MTA3: variants seen among roughly 807,000 people sequenced by gnomAD.
The protein encoded by MTA3 is metastasis associated 1 family member 3.
MTA3 carries 34 observed loss-of-function variants against 83.5 expected under a neutral mutation model. The ratio of observed to expected loss-of-function variants is 0.41; its 90% CI spans 0.31 to 0.54. MTA3 has a LOEUF of 0.54. Among genes scored for constraint, MTA3 ranks in the 20% least tolerant of loss-of-function variants. MTA3 has a pLI of 0.33. For missense variants in MTA3, 761 were observed against 726.4 expected, an observed-to-expected ratio of 1.05 and a Z score of -0.55; for synonymous variants, 303 against 252.7, an observed-to-expected ratio of 1.20 and a Z score of -1.89.
chr2:42,620,816 A>G (rs1365599137), intron 4 of MTA3, among the ~76,000 whole-genome samples: 1 of 152,214 alleles, frequency 6.6e-6, no homozygotes, highest in Non-Finnish European at 1.5e-5. Flanking sequence ...AAAACATGGG[A>G]TTGTTTGAAT....
chr2:42,510,846 T>C (rs1269515786), intron 2 of MTA3, among the ~76,000 whole-genome samples: 1 of 152,120 alleles, frequency 6.6e-6, no homozygotes, highest in East Asian at 1.9e-4. Flanking sequence ...TCACAGGACA[T>C]ATTCAAACAG....
At chr2:42,642,493 T>TA (rs746793477) in intron 5 of MTA3, among the ~76,000 whole-genome samples, 23 of 150,818 alleles carry the variant, frequency 1.5e-4, no homozygotes, top group South Asian at 1.5e-3. Flanking sequence ...TCGTCTCTAT[T>TA]AAAAAAAAAG....
chr2:42,695,641 A>AG, intron 9 of MTA3, 124 bp from the exon 10 acceptor site: 2 of 401,626 alleles, frequency 5.0e-6, no homozygotes, highest in Non-Finnish European at 8.3e-6. Flanking sequence ...TCTCAAAAAA[A>AG]AAAAAAAAAA....
chr2:42,715,581 C>A (rs926961521), intron 14 of MTA3, among the ~76,000 whole-genome samples: 13 of 152,110 alleles, frequency 8.5e-5, no homozygotes, highest in African/African-American at 2.7e-4. Context: ...AAATATGCTT[C>A]TTTCTAAAAA....
At chr2:42,704,462 T>C in intron 12 of MTA3, 144 bp downstream of exon 12, 1 of 915,360 alleles carries the variant, frequency 1.1e-6, no homozygotes, top group East Asian at 2.5e-5. Context: ...TGCCCCTCCT[T>C]ACCTTCTGCC....
At chr2:42,574,577 C>T (rs751286114) in intron 2 of MTA3, among the ~76,000 whole-genome samples, 1 of 152,150 alleles carries the variant, frequency 6.6e-6, no homozygotes, top group Non-Finnish European at 1.5e-5. Flanking sequence ...GCTGGGATTA[C>T]AGGCACCTGC....
upstream of MTA3, among the ~76,000 whole-genome samples, chr2:42,564,475 T>C (rs1677818357): frequency 6.6e-6 from 1 of 152,228 alleles, no homozygotes; most frequent in Non-Finnish European, 1.5e-5. Flanking sequence ...TCTTCTGCTT[T>C]GATTCTTGCC....
At chr2:42,537,334 C>T (rs1263619285) in intron 2 of MTA3, among the ~76,000 whole-genome samples, 6 of 152,054 alleles carry the variant, frequency 3.9e-5, no homozygotes, top group Non-Finnish European at 8.8e-5. Context: ...GAGGCCAAGG[C>T]GGGCAGATCA....
intron 16 of MTA3, among the ~76,000 whole-genome samples, chr2:42,733,272 A>C (rs1668367167): frequency 6.6e-6 from 1 of 152,198 alleles, no homozygotes; most frequent in African/African-American, 2.4e-5. Context: ...CACATCTTAC[A>C]TGGTGACAGC....
At chr2:42,705,718 A>C (rs528652589) in intron 12 of MTA3, among the ~76,000 whole-genome samples, 258 of 148,526 alleles carry the variant, frequency 1.7e-3, no homozygotes, top group Middle Eastern at 0.01. Context: ...CCCCGCCCCC[A>C]AAAAAAAAAT....
At chr2:42,647,943 A>G (rs1290313978) in intron 6 of MTA3, among the ~76,000 whole-genome samples, 1 of 151,818 alleles carries the variant, frequency 6.6e-6, no homozygotes, top group Non-Finnish European at 1.5e-5. Context: ...AGTTCAAGCA[A>G]TTTTCTCCTG....
intron 2 of MTA3, among the ~76,000 whole-genome samples, chr2:42,555,898 C>G (rs1299238591): frequency 6.6e-6 from 1 of 151,750 alleles, no homozygotes. Flanking sequence ...ATGGTGGAAC[C>G]CTGCCTCTAC....
At chr2:42,594,204 G>C (rs955088124) in intron 3 of MTA3, among the ~76,000 whole-genome samples, 1 of 148,826 alleles carries the variant, frequency 6.7e-6, no homozygotes, top group Non-Finnish European at 1.5e-5. Flanking sequence ...CACCTGCCTT[G>C]GCCTCCCAAA....
At chr2:42,603,478 G>A (rs892057403) in intron 3 of MTA3, among the ~76,000 whole-genome samples, 1 of 152,146 alleles carries the variant, frequency 6.6e-6, no homozygotes. Flanking sequence ...GCTTTTGCCC[G>A]ATGCAGTGTT....
At chr2:42,650,662 G>A (rs1558543385) in intron 6 of MTA3, among the ~76,000 whole-genome samples, 3 of 152,016 alleles carry the variant, frequency 2.0e-5, no homozygotes, top group Middle Eastern at 3.4e-3. Flanking sequence ...ATCTCCTGAC[G>A]TCGTGATCTG....
At chr2:42,659,711 C>G in intron 7 of MTA3, 52 bp from the exon 8 acceptor site, 6 of 1,335,934 alleles carry the variant, frequency 4.5e-6, no homozygotes, top group Non-Finnish European at 5.9e-6. Context: ...GTTAAAAAAA[C>G]AAACCAAAAC....
intron 3 of MTA3, among the ~76,000 whole-genome samples, chr2:42,584,081 G>T (rs1679989674): frequency 6.6e-6 from 1 of 151,448 alleles, no homozygotes; most frequent in Non-Finnish European, 1.5e-5. Flanking sequence ...TACCTCAGGT[G>T]ATACGCCCAC....
intron 3 of MTA3, among the ~76,000 whole-genome samples, chr2:42,594,555 A>T (rs1189206848): frequency 6.7e-6 from 1 of 148,406 alleles, no homozygotes; most frequent in Admixed American, 6.8e-5. Context: ...AAATTTTTTA[A>T]TCTTTACTAA....
intron 2 of MTA3, among the ~76,000 whole-genome samples, chr2:42,573,905 G>A (rs1423498990): frequency 6.6e-6 from 1 of 151,840 alleles, no homozygotes; most frequent in Non-Finnish European, 1.5e-5. Context: ...TGCAAGCTCC[G>A]CCTCCTGGGT....
Sources: gnomAD v4.1 joint callset for allele counts (sites outside exome capture counted in the v4.1 genomes callset) on GRCh38, gnomAD v4.1.1 for gene constraint, MANE v1.5 for transcripts, NCBI Gene and HGNC (gene_info 2026-07-23, HGNC 2026-07-21) for gene names.